The following AP1B1 variants were observed in gnomAD, a reference collection of about 807,000 sequenced individuals.
The protein encoded by AP1B1 is AP-1 complex subunit beta-1.
In AP1B1, 36 loss-of-function variants were observed where a neutral mutation model predicts 104.3. The observed-to-expected ratio is 0.35, with a 90% CI of 0.26 to 0.46. The LOEUF (loss-of-function observed/expected upper bound fraction) is 0.46, where lower values mean the gene tolerates loss of function less well. Among genes scored for constraint, AP1B1 ranks in the 20% least tolerant of loss-of-function variants. AP1B1 has a pLI of 1.00. For synonymous variants in AP1B1, 504 were observed against 517.5 expected (o/e 0.97, Z 0.35); for missense variants, 901 against 1,247.9 (o/e 0.72, Z 4.19).
chr22:29,331,989 C>T (rs966153661), intron 17 of AP1B1, 73 bp from the exon 18 acceptor site: 2 of 1,451,570 alleles, frequency 1.4e-6, no homozygotes, highest in Middle Eastern at 2.5e-4. Flanking sequence ...GCTCCTCCGA[C>T]TCGGGAGCTG....
At chr22:29,360,761 T>A (rs1308074704) in intron 3 of AP1B1, among the ~76,000 whole-genome samples, 1 of 152,258 alleles carries the variant, frequency 6.6e-6, no homozygotes, top group Non-Finnish European at 1.5e-5. Context: ...CTTCTCAACA[T>A]GGTACCCGTG....
intron 22 of AP1B1, 36 bp downstream of exon 22, chr22:29,329,676 G>A (rs762814781): frequency 1.2e-6 from 2 of 1,613,204 alleles, no homozygotes; most frequent in East Asian, 2.2e-5. Context: ...CAAGACTGGG[G>A]AGGGCGGACG....
intron 16 of AP1B1, among the ~76,000 whole-genome samples, chr22:29,336,001 G>A (rs1038927319): frequency 3.3e-5 from 5 of 152,172 alleles, no homozygotes; most frequent in Non-Finnish European, 5.9e-5. Flanking sequence ...TCTCTCAGTC[G>A]CCCAAGGCTG....
At chr22:29,367,591 C>T (rs2062165441) in intron 1 of AP1B1, among the ~76,000 whole-genome samples, 1 of 151,252 alleles carries the variant, frequency 6.6e-6, no homozygotes, top group Admixed American at 6.6e-5. Context: ...TGAGCCACCA[C>T]ACCTGATCCC....
At chr22:29,374,399 T>C (rs903446171) in intron 1 of AP1B1, among the ~76,000 whole-genome samples, 1 of 152,170 alleles carries the variant, frequency 6.6e-6, no homozygotes, top group African/African-American at 2.4e-5. Context: ...AAAAGCCGTA[T>C]GATAAACATA....
chr22:29,377,611 C>T (rs1461043815), intron 1 of AP1B1, among the ~76,000 whole-genome samples: 2 of 151,952 alleles, frequency 1.3e-5, no homozygotes, highest in Non-Finnish European at 2.9e-5. Flanking sequence ...GGGTTTGAGA[C>T]CAGCCTGGTC....
At chr22:29,374,196 T>C (rs2148038122) in intron 1 of AP1B1, among the ~76,000 whole-genome samples, 1 of 151,962 alleles carries the variant, frequency 6.6e-6, no homozygotes. Context: ...AGCAAGACTC[T>C]GTCTAAAAAA....
chr22:29,331,711 G>A (rs1022258813), intron 18 of AP1B1, 76 bp downstream of exon 18: 104 of 1,611,400 alleles, frequency 6.5e-5, no homozygotes, highest in Non-Finnish European at 7.9e-5. Flanking sequence ...CCGCAGACAC[G>A]ACCTTCTACT....
At chr22:29,359,802 C>G in intron 4 of AP1B1, 22 bp downstream of exon 4, 3 of 1,605,774 alleles carry the variant, frequency 1.9e-6, no homozygotes, top group Non-Finnish European at 8.5e-7. Context: ...AATGTCCCCA[C>G]GCCCACCAAG....
At chr22:29,372,916 T>C (rs556433722) in intron 1 of AP1B1, among the ~76,000 whole-genome samples, 2 of 152,326 alleles carry the variant, frequency 1.3e-5, no homozygotes, top group East Asian at 3.9e-4. Flanking sequence ...GTCTCAAAAT[T>C]GGTGACAACC....
At chr22:29,373,800 G>A (rs758138535) in intron 1 of AP1B1, among the ~76,000 whole-genome samples, 3 of 151,902 alleles carry the variant, frequency 2.0e-5, no homozygotes, top group Non-Finnish European at 2.9e-5. Flanking sequence ...TACATGGGAG[G>A]CTGAAGCACA....
Position 29,349,199 on chromosome 22 carries a change from G to A in AP1B1, c.1437+19C>T, listed in dbSNP as rs1274690571. On this transcript the variant is annotated intron_variant, in intron 11 of 22. Transcript: ENST00000357586. ...AGCTGCCAGTCATGACTCACACCCT[G>A]GCCAGCTCGCTGGCTCACCTGTGTG... 6.2e-7 allele frequency: 1 copy of A among 1,610,172 alleles called. No homozygotes were observed. The highest frequency in any genetic ancestry group is 1.7e-5 in the Admixed American group (1 of 60,010).
In AP1B1 at chr22:29,339,700, C is replaced by T. The variant is rs113020491; in HGVS notation, c.2019+54G>A. On this transcript the variant is annotated intron_variant, in intron 15 of 22. Coordinates refer to ENST00000357586, the MANE Select transcript of AP1B1 (RefSeq NM_001127.4). ...CCCGCCCCTTGGGATGCTGGGCCAG[C>T]GCTTTCGGGAGGAGCAAGGACGAAG... is the stretch of plus-strand genomic sequence containing the variant. The T allele has an allele frequency of 3.5e-4, 555 of 1,596,600 alleles. 3 individuals carry two copies. In the African/African-American group the frequency reaches 5.8e-3, roughly 17 times the overall value.
intron 11 of AP1B1, among the ~76,000 whole-genome samples, chr22:29,344,856 T>G (rs2061768264): frequency 6.6e-6 from 1 of 151,990 alleles, no homozygotes; most frequent in Non-Finnish European, 1.5e-5. Context: ...TAGAGAGGCC[T>G]AGGAGCCAAG....
At position 29,330,546 on chromosome 22, in the gene AP1B1, T is replaced by G. The variant is rs753454157; in HGVS notation, c.2612-14A>C. On this transcript the variant is annotated splice_polypyrimidine_tract_variant and intron_variant, in intron 20 of 22. Transcript: ENST00000357586. ...TGCTCGCAGCCTCTGTGGGGTCACA[T>G]GGCCGTGAGAGGCCCCAGTCAGCGC... 5.0e-6 allele frequency: 8 copies of G among 1,609,834 alleles called. No homozygotes were observed. The highest frequency in any genetic ancestry group is 6.8e-6 in the Non-Finnish European group (8 of 1,176,690).
intron 16 of AP1B1, 21 bp from the exon 17 acceptor site, chr22:29,334,431 A>AG: frequency 6.3e-7 from 1 of 1,591,586 alleles, no homozygotes; most frequent in South Asian, 1.1e-5. Context: ...GAGGGTGCGG[A>AG]GGGGGCGGGT....
chr22:29,341,473 C>T (rs773334206), intron 13 of AP1B1, 28 bp downstream of exon 13: 33 of 1,597,480 alleles, frequency 2.1e-5, no homozygotes, highest in Admixed American at 3.4e-5. Context: ...AGTGTGAAGG[C>T]GCAGGCCGAC....
In AP1B1 at chr22:29,341,501, G is replaced by A. The variant is rs373375337; in HGVS notation, c.1796C>T (p.Ser599Leu). The change falls in exon 13 of 23, where the codon TCG becomes TTG. Residue 599 changes from serine to leucine, a missense_variant and splice_region_variant. Around this residue, in one of 3 missense-constraint regions of AP1B1, gnomAD observed 424 missense variants for 494.0 expected, o/e 0.86. Coordinates refer to ENST00000357586, the MANE Select transcript of AP1B1 (RefSeq NM_001127.4). ...AGGCCGACTGGCCAGTCTCACTCACGAGGCCGTGCGAGGTGGCAGGCTCTT... is the reference window on the plus strand; with the variant it reads ...AGGCCGACTGGCCAGTCTCACTCACAAGGCCGTGCGAGGTGGCAGGCTCTT... ...VHKSLPPRTA[S>L]SESAESPETA... The A allele has an allele frequency of 3.7e-6, 6 of 1,610,756 alleles. No individual in the cohort carries two copies. Among genetic ancestry groups the A allele is most frequent in the Non-Finnish European group, 5.1e-6 (6 of 1,177,478 alleles).
intron 8 of AP1B1, 131 bp downstream of exon 8, chr22:29,351,574 C>T (rs1172362077): frequency 1.6e-6 from 2 of 1,255,968 alleles, no homozygotes; most frequent in Non-Finnish European, 2.2e-6. Context: ...AGCCCCATGT[C>T]CCATGCTAAA....
Sources: allele counts gnomAD v4.1 joint callset (sites outside exome capture counted in the v4.1 genomes callset), GRCh38; gene constraint gnomAD v4.1.1; regional missense constraint gnomAD v4.1.1; transcripts MANE v1.5; gene names NCBI Gene and HGNC (gene_info 2026-07-23, HGNC 2026-07-21).